AHCYL1: variants seen among roughly 807,000 people sequenced by gnomAD.
The protein encoded by AHCYL1 is adenosylhomocysteinase like 1, also known as S-adenosylhomocysteine hydrolase-like protein 1.
AHCYL1 carries 20 observed loss-of-function variants against 79.3 expected under a neutral mutation model. The ratio of observed to expected loss-of-function variants is 0.25; its 90% CI spans 0.18 to 0.37. The LOEUF is 0.37. AHCYL1 is among the 10% of genes least tolerant of loss of function. The probability of loss-of-function intolerance (pLI) is 1.00; values close to 1 mark genes in which losing one functional copy is unlikely to be tolerated. For missense variants in AHCYL1, 330 were observed against 673.6 expected (o/e 0.49, Z 5.65); for synonymous variants, 223 against 242.2 (o/e 0.92, Z 0.74).
At chr1:110,018,709 G>T (rs116226117) in intron 13 of AHCYL1, 59 bp downstream of exon 13, 40 of 1,449,986 alleles carry the variant, frequency 2.8e-5, no homozygotes, top group Middle Eastern at 2.3e-4. Context: ...GATCTATGAG[G>T]GGGGAGGGGA....
intron 3 of AHCYL1, among the ~76,000 whole-genome samples, chr1:110,011,938 C>T (rs1570881061): frequency 6.6e-6 from 1 of 152,206 alleles, no homozygotes; most frequent in African/African-American, 2.4e-5. Context: ...ACCAAACAGA[C>T]TGACAGGACA....
intron 1 of AHCYL1, among the ~76,000 whole-genome samples, chr1:109,994,325 C>T (rs915204427): frequency 3.9e-5 from 6 of 152,186 alleles, no homozygotes; most frequent in South Asian, 4.1e-4. Context: ...TGTGATGGCA[C>T]GATCTCGGCT....
intron 4 of AHCYL1, 124 bp from the exon 5 acceptor site, chr1:110,012,773 G>A: frequency 1.5e-6 from 1 of 673,760 alleles, no homozygotes; most frequent in Non-Finnish European, 2.4e-6. Flanking sequence ...ACACCCTTTT[G>A]TAACTTTCCA....
chr1:110,019,527 G>T, intron 14 of AHCYL1, 21 bp from the exon 15 acceptor site: 1 of 1,583,480 alleles, frequency 6.3e-7, no homozygotes, highest in Admixed American at 2.0e-5. Context: ...TGTGCTTTCT[G>T]GCCTTCTTTT....
intron 2 of AHCYL1, 108 bp from the exon 3 acceptor site, chr1:110,011,106 T>G (rs1309462679): frequency 7.2e-7 from 1 of 1,382,778 alleles, no homozygotes; most frequent in Non-Finnish European, 9.8e-7. Context: ...GTAGCTCCAA[T>G]TAAGGGTGTT....
intron 3 of AHCYL1, 25 bp downstream of exon 3, chr1:110,011,382 GACC>G: frequency 6.2e-7 from 1 of 1,610,916 alleles, no homozygotes; most frequent in Non-Finnish European, 8.5e-7. Flanking sequence ...TGGGTTAGGG[GACC>G]AGAAACAACC....
chr1:110,007,783 A>G (rs1650753160), intron 1 of AHCYL1, among the ~76,000 whole-genome samples: 1 of 152,212 alleles, frequency 6.6e-6, no homozygotes, highest in Admixed American at 6.5e-5. Context: ...CAGTTCACAT[A>G]CTCAAACCAT....
chr1:110,021,634 G>C, intron 16 of AHCYL1, 40 bp from the exon 17 acceptor site: 1 of 1,604,034 alleles, frequency 6.2e-7, no homozygotes, highest in Non-Finnish European at 8.5e-7. Context: ...TTCTCATATG[G>C]AAGACATAAG....
intron 7 of AHCYL1, among the ~76,000 whole-genome samples, chr1:110,015,739 T>A (rs1651376181): frequency 6.6e-6 from 1 of 152,216 alleles, no homozygotes; most frequent in Non-Finnish European, 1.5e-5. Context: ...TCTCTCCCAT[T>A]TACTCCATTG....
intron 15 of AHCYL1, among the ~76,000 whole-genome samples, chr1:110,020,134 C>T (rs1651697750): frequency 1.3e-5 from 2 of 152,200 alleles, no homozygotes. Flanking sequence ...AGCCCAAATC[C>T]CTGACTTCTT....
chr1:110,014,905 T>A, intron 6 of AHCYL1, 48 bp downstream of exon 6: 1 of 1,544,750 alleles, frequency 6.5e-7, no homozygotes, highest in Non-Finnish European at 8.9e-7. Flanking sequence ...TTTATTTCCT[T>A]TTTTTCCCTC....
chr1:110,002,043 A>G (rs909511304), intron 1 of AHCYL1, among the ~76,000 whole-genome samples: 2 of 152,260 alleles, frequency 1.3e-5, no homozygotes, highest in African/African-American at 4.8e-5. Context: ...TATGCATTAT[A>G]GAATAAACAA....
intron 1 of AHCYL1, among the ~76,000 whole-genome samples, chr1:110,007,048 A>G (rs1445851945): frequency 6.6e-6 from 1 of 152,154 alleles, no homozygotes; most frequent in Non-Finnish European, 1.5e-5. Flanking sequence ...CTTTATTAAT[A>G]TAAGGGGAAA....
At chr1:110,001,054 G>A in intron 1 of AHCYL1, 2 of 715,576 alleles carry the variant, frequency 2.8e-6, no homozygotes, top group South Asian at 1.3e-4. Context: ...AGTGCTATCA[G>A]GTGGTGTTAC....
chr1:110,014,535 A>G (rs1309560375), intron 5 of AHCYL1, among the ~76,000 whole-genome samples: 8 of 152,382 alleles, frequency 5.2e-5, no homozygotes, highest in Non-Finnish European at 4.4e-5. Context: ...ATTAGTCCAG[A>G]GAAAGGAACA....
At chr1:110,003,746 T>C (rs896400308) in intron 1 of AHCYL1, among the ~76,000 whole-genome samples, 2 of 152,178 alleles carry the variant, frequency 1.3e-5, no homozygotes, top group African/African-American at 4.8e-5. Context: ...GATAGCTAAA[T>C]AGGCATTGAA....
rs1010395828 is a variant in AHCYL1 at position 110,012,803 on chromosome 1, A to G, written c.478-94A>G. ...TTTCCAGTGTAGCACCTGTTGGTGC[A>G]GAGTTGATAGGTATTGCTATCTTGA... is the stretch of plus-strand genomic sequence containing the variant. On this transcript the variant is annotated intron_variant, in intron 4 of 16. Transcript: ENST00000369799. The G allele has an allele frequency of 3.5e-5, 31 of 893,656 alleles. No homozygotes were observed. In the Admixed American group the frequency reaches 8.5e-4, roughly 24 times the overall value. 55.4% of individuals were successfully genotyped at this position (893,656 alleles called of 1,614,324 possible).
At position 110,021,854 on chromosome 1, in the gene AHCYL1, A is replaced by G; in HGVS notation, c.*174A>G. On this transcript the variant is annotated 3_prime_UTR_variant, in exon 17 of 17. Transcript: ENST00000369799. Reference sequence around the variant, plus strand: ...TGCAGACCACACAGGAACTTGCTTCATGGCTCTTTAGATGAAATAGAAGTT... The same window carrying G: ...TGCAGACCACACAGGAACTTGCTTCGTGGCTCTTTAGATGAAATAGAAGTT... 1.7e-6 allele frequency: 1 copy of G among 598,336 alleles called. No homozygotes were observed. The highest frequency in any genetic ancestry group is 3.1e-5 in the East Asian group (1 of 32,118). The allele number at this position is 598,336 out of a possible 1,614,324, so 37.1% of individuals were successfully genotyped here.
At chr1:109,999,421 C>T (rs1650191821) in intron 1 of AHCYL1, among the ~76,000 whole-genome samples, 1 of 152,204 alleles carries the variant, frequency 6.6e-6, no homozygotes, top group Non-Finnish European at 1.5e-5. Flanking sequence ...TACCCTTTAA[C>T]CAACATTTCC....
Sources: gnomAD v4.1 joint callset for allele counts (sites outside exome capture counted in the v4.1 genomes callset) on GRCh38, gnomAD v4.1.1 for gene constraint, MANE v1.5 for transcripts, NCBI Gene and HGNC (gene_info 2026-07-23, HGNC 2026-07-21) for gene names.